The following TRPM1 variants were observed in gnomAD, a reference collection of about 807,000 sequenced individuals.
TRPM1 encodes TRPM1-203 APA Isoform, Intron 10.
TRPM1 carries 113 observed loss-of-function variants against 149.4 expected under a neutral mutation model. The ratio of observed to expected loss-of-function variants is 0.76; its 90% CI spans 0.65 to 0.88. The LOEUF (loss-of-function observed/expected upper bound fraction) is 0.88, where lower values mean the gene tolerates loss of function less well. Among genes scored for constraint, TRPM1 ranks in the 40% least tolerant of loss-of-function variants. The pLI is 0.00. For synonymous variants in TRPM1, 741 were observed against 759.5 expected, an observed-to-expected ratio of 0.98 and a Z score of 0.40; for missense variants, 1,976 against 2,038.7, an observed-to-expected ratio of 0.97 and a Z score of 0.59.
intron 27 of TRPM1, among the ~76,000 whole-genome samples, chr15:31,017,366 T>C (rs1251001151): frequency 1.3e-5 from 2 of 152,176 alleles, no homozygotes; most frequent in Admixed American, 6.5e-5. Context: ...TGATATTACA[T>C]GTCATGACTC....
chr15:31,025,871 C>G lies in TRPM1; in HGVS notation c.3629+268G>C, dbSNP rs60293970. ...CATTAACCTTGCGGAAACACCCCCA[C>G]TTTGGGGTAGGGGGTGAAGGTAGTC... On this transcript the variant is annotated intron_variant, in intron 27 of 27. Coordinates refer to ENST00000256552, the MANE Select transcript of TRPM1 (RefSeq NM_001252024.2). 0.048 allele frequency among the ~76,000 whole-genome samples: 7,286 copies of G among 152,336 alleles called. 226 individuals carry two copies. The highest frequency in any genetic ancestry group is 0.14 in the South Asian group (653 of 4,832).
rs1442947519 is a variant in TRPM1, at chr15:31,067,990, C to T, written c.382G>A (p.Gly128Ser). The T allele has an allele frequency of 1.2e-6, 2 of 1,614,166 alleles. No homozygotes were observed. The highest frequency in any genetic ancestry group is 3.3e-5 in the Admixed American group (2 of 60,026). Residue 128 changes from glycine (G) to serine (S), a missense_variant, in exon 5 of 28, where the codon GGC (glycine) becomes AGC (serine). Around this residue, in one of 3 missense-constraint regions of TRPM1, gnomAD observed 1,332 missense variants for 1,347.1 expected, o/e 0.99. Coordinates refer to ENST00000256552, the MANE Select transcript of TRPM1 (RefSeq NM_001252024.2). ...GGCTGCATCTCAAAGTTCTGGAGGC[C>T]TCCATGCACAGATATTAAGAGCTTG... is the stretch of plus-strand genomic sequence containing the variant. ...LPKLLISVHG[G>S]LQNFEMQPKL...
At chr15:31,149,782 G>A (rs1465837115) in intron 1 of TRPM1, among the ~76,000 whole-genome samples, 1 of 152,212 alleles carries the variant, frequency 6.6e-6, no homozygotes, top group African/African-American at 2.4e-5. Context: ...GCCTCCCAAA[G>A]TGCTGGGATT....
rs138216783 is a variant in TRPM1, at chr15:31,002,392, G to A, written c.4308C>T (p.Pro1436=). 1 of 1,614,188 alleles carries A rather than the reference G, an allele frequency of 6.2e-7. No individual in the cohort carries two copies. The highest frequency in any genetic ancestry group is 8.5e-7 in the Non-Finnish European group (1 of 1,180,026). Residue 1436 remains proline, a synonymous_variant, in exon 28 of 28, where the codon CCC becomes CCT. Coordinates refer to ENST00000256552, the MANE Select transcript of TRPM1 (RefSeq NM_001252024.2). The stretch of plus-strand genomic sequence containing the variant: ...AGCGTGTAATTTTGGTTTCTTCCAG[G>A]GGATAGGAAATAGTGCCTTCTATAT... The part of the protein sequence containing the change: ...TTNIEGTISY[P]LEETKITRYF...
At chr15:31,016,146 G>A (rs2032348334) in intron 27 of TRPM1, among the ~76,000 whole-genome samples, 1 of 152,104 alleles carries the variant, frequency 6.6e-6, no homozygotes, top group Non-Finnish European at 1.5e-5. Context: ...CTTTAGGCAT[G>A]ATTTAATTAG....
Position 31,028,454 on chromosome 15 carries a change from A to G in TRPM1, c.3171T>C (p.Tyr1057=), listed in dbSNP as rs267607140. 6 of 1,614,122 alleles carry G rather than the reference A, an allele frequency of 3.7e-6. No individual in the cohort carries two copies. Among genetic ancestry groups the G allele is most frequent in the Non-Finnish European group, 5.1e-6 (6 of 1,180,036 alleles). Residue 1057 remains tyrosine (Y), a synonymous_variant, in exon 25 of 28, where the codon TAT becomes TAC. Coordinates refer to ENST00000256552, the MANE Select transcript of TRPM1 (RefSeq NM_001252024.2). ...EINPPCGENL[Y]DEEGKRLPPC... The stretch of plus-strand genomic sequence containing the variant: ...GAGGAAGCCGCTTGCCCTCCTCATC[A>G]TATAGGTTCTCACCACAAGGAGCTG...
chr15:31,062,054 T>C (rs1429377396), intron 9 of TRPM1, among the ~76,000 whole-genome samples: 1 of 151,946 alleles, frequency 6.6e-6, no homozygotes, highest in Non-Finnish European at 1.5e-5. Flanking sequence ...ATTTTCCCCA[T>C]CCCTTCTGGC....
Position 31,026,403 on chromosome 15 carries a change from C to T in TRPM1, c.3497-132G>A, listed in dbSNP as rs960126049. 2.1e-5 allele frequency: 23 copies of T among 1,110,480 alleles called. No individual in the cohort carries two copies. The African/African-American group carries it at 3.2e-4, about 16-fold the overall frequency. The allele number at this position is 1,110,480 out of a possible 1,614,324, so 68.8% of individuals were successfully genotyped here. ...ACTCCTAAGGCAGTTCGCCACTACTCCAATTGATTTTTATCTAAAAAGGGG... is the reference window on the plus strand; with the variant it reads ...ACTCCTAAGGCAGTTCGCCACTACTTCAATTGATTTTTATCTAAAAAGGGG... On this transcript the variant is annotated intron_variant, in intron 26 of 27. Coordinates refer to ENST00000256552, the MANE Select transcript of TRPM1 (RefSeq NM_001252024.2).
intron 17 of TRPM1, among the ~76,000 whole-genome samples, chr15:31,041,062 GCAC>G (rs1479553902): frequency 2.0e-5 from 3 of 152,150 alleles, no homozygotes; most frequent in African/African-American, 7.2e-5. Flanking sequence ...GGAGAAGGTG[GCAC>G]AAGCTGAATT....
intron 16 of TRPM1, among the ~76,000 whole-genome samples, chr15:31,042,909 G>A (rs1003769529): frequency 1.3e-5 from 2 of 152,190 alleles, no homozygotes; most frequent in African/African-American, 4.8e-5. Flanking sequence ...AAATATGTGG[G>A]TCTCAGACTA....
chr15:31,067,406 C>A (rs2034408389), intron 5 of TRPM1, among the ~76,000 whole-genome samples: 1 of 152,152 alleles, frequency 6.6e-6, no homozygotes, highest in Non-Finnish European at 1.5e-5. Context: ...AAAACAGAAA[C>A]CAAAGCAACT....
chr15:31,035,470 G>GT, intron 21 of TRPM1, 76 bp downstream of exon 21: 2 of 1,603,684 alleles, frequency 1.2e-6, no homozygotes, highest in Non-Finnish European at 8.5e-7. Context: ...TGCATGAAAC[G>GT]TTTTTTCAGT....
At chr15:31,085,521 G>A (rs1234352999) in intron 1 of TRPM1, among the ~76,000 whole-genome samples, 1 of 152,152 alleles carries the variant, frequency 6.6e-6, no homozygotes, top group Non-Finnish European at 1.5e-5. Flanking sequence ...GTGAGCACAC[G>A]CCCAATTGTT....
intron 11 of TRPM1, among the ~76,000 whole-genome samples, chr15:31,054,306 G>GT (rs2034027026): frequency 6.6e-6 from 1 of 151,660 alleles, no homozygotes; most frequent in Non-Finnish European, 1.5e-5. Context: ...TTATTTGTTT[G>GT]TTTTTTGAGA....
intron 1 of TRPM1, among the ~76,000 whole-genome samples, chr15:31,084,157 C>G (rs1378439345): frequency 6.6e-6 from 1 of 152,168 alleles, no homozygotes; most frequent in Admixed American, 6.5e-5. Flanking sequence ...AGAGCTGGAT[C>G]TTTAAAGACA....
At chr15:31,077,522 G>T (rs1261977277) in intron 2 of TRPM1, among the ~76,000 whole-genome samples, 4 of 152,182 alleles carry the variant, frequency 2.6e-5, no homozygotes, top group African/African-American at 9.7e-5. Flanking sequence ...GCCCCATTGG[G>T]TCTGCTTCCC....
At chr15:31,073,213 T>C (rs2034604587) in intron 3 of TRPM1, among the ~76,000 whole-genome samples, 2 of 152,182 alleles carry the variant, frequency 1.3e-5, no homozygotes, top group African/African-American at 2.4e-5. Flanking sequence ...ACTATTCTTT[T>C]GCATGTGGCT....
chr15:31,001,672 A>G lies in TRPM1; in HGVS notation c.*150T>C. 1.3e-6 allele frequency: 1 copy of G among 752,536 alleles called. No individual in the cohort carries two copies. The highest frequency in any genetic ancestry group is 1.9e-5 in the South Asian group (1 of 53,802). 46.6% of individuals were successfully genotyped at this position (752,536 alleles called of 1,614,324 possible). A position where few individuals can be genotyped will look rare whatever the true frequency, so the allele number is the denominator to read the frequency against. ...TACTAACATATGCTAACAAAATACTACTTTTAGTGCATTAAATTGTAAATC... is the reference window on the plus strand; with the variant it reads ...TACTAACATATGCTAACAAAATACTGCTTTTAGTGCATTAAATTGTAAATC... On this transcript the variant is annotated 3_prime_UTR_variant, in exon 28 of 28. Transcript: ENST00000256552.
chr15:31,050,708 T>TGTGTG, intron 11 of TRPM1, 126 bp from the exon 12 acceptor site: 3 of 1,013,570 alleles, frequency 3.0e-6, no homozygotes, highest in Non-Finnish European at 4.6e-6. Flanking sequence ...ACAATGTACA[T>TGTGTG]GTGCACACCC....
Sources: gnomAD v4.1 joint callset for allele counts (sites outside exome capture counted in the v4.1 genomes callset) on GRCh38, gnomAD v4.1.1 for gene constraint, gnomAD v4.1.1 regional missense constraint, MANE v1.5 for transcripts, NCBI Gene and HGNC (gene_info 2026-07-23, HGNC 2026-07-21) for gene names.